The following EPHB1 variants were observed in gnomAD, a reference collection of about 807,000 sequenced individuals.
EPHB1 encodes EPH receptor B1.
EPHB1 carries 30 observed loss-of-function variants against 94.4 expected under a neutral mutation model. That is an observed-to-expected ratio of 0.32 (90% CI 0.24 to 0.43). The LOEUF (loss-of-function observed/expected upper bound fraction) is 0.43, where lower values mean the gene tolerates loss of function less well. Ranked by LOEUF, EPHB1 falls within the 20% of genes least tolerant of loss-of-function variation. The probability of loss-of-function intolerance (pLI) is 1.00; values close to 1 mark genes in which losing one functional copy is unlikely to be tolerated. For missense variants in EPHB1, 1,055 were observed against 1,308.3 expected, an observed-to-expected ratio of 0.81 and a Z score of 2.99; for synonymous variants, 522 against 489.1, an observed-to-expected ratio of 1.07 and a Z score of -0.89.
intron 1 of EPHB1, among the ~76,000 whole-genome samples, chr3:134,834,032 G>T (rs751413564): frequency 6.6e-6 from 1 of 152,152 alleles, no homozygotes; most frequent in African/African-American, 2.4e-5. Flanking sequence ...ACACTTGGGT[G>T]GTGGAGGGGA....
intron 12 of EPHB1, among the ~76,000 whole-genome samples, chr3:135,219,560 T>C (rs770305574): frequency 6.6e-6 from 1 of 152,098 alleles, no homozygotes; most frequent in Non-Finnish European, 1.5e-5. Flanking sequence ...AGAGAGAGAA[T>C]AGCCCTGCGA....
chr3:135,182,006 C>T (rs560673459), intron 10 of EPHB1, among the ~76,000 whole-genome samples: 35 of 152,294 alleles, frequency 2.3e-4, no homozygotes, highest in African/African-American at 8.4e-4. Flanking sequence ...TAGCAGAGAC[C>T]CATCTCCTTG....
At chr3:135,191,153 A>G (rs1045476231) in intron 10 of EPHB1, among the ~76,000 whole-genome samples, 1 of 151,972 alleles carries the variant, frequency 6.6e-6, no homozygotes. Flanking sequence ...AAAAGGGAGG[A>G]AGGATGGAAG....
rs371173570 is a variant in EPHB1 at position 135,127,164 on chromosome 3, A to T, written c.962-5550A>T. ...CTAGAGAATATGTTTTAACTTGGTT[A>T]CTGTGAACACTTAGGAGGATCATCG... On this transcript the variant is annotated intron_variant, in intron 4 of 15. Transcript: ENST00000398015. Among the ~76,000 whole-genome samples the T allele has an allele frequency of 2.1e-3, 314 of 152,348 alleles. 1 individual carries two copies. Among genetic ancestry groups the T allele is most frequent in the African/African-American group, 7.1e-3 (297 of 41,590 alleles).
At chr3:135,185,463 C>T (rs1038442971) in intron 10 of EPHB1, among the ~76,000 whole-genome samples, 41 of 152,166 alleles carry the variant, frequency 2.7e-4, no homozygotes, top group African/African-American at 9.2e-4. Context: ...GAACACTCAC[C>T]GTGTGTCTGA....
At chr3:134,934,049 C>G (rs1006223458) in intron 2 of EPHB1, among the ~76,000 whole-genome samples, 1 of 152,020 alleles carries the variant, frequency 6.6e-6, no homozygotes, top group African/African-American at 2.4e-5. Flanking sequence ...TAAGTCAGAG[C>G]TCCCCACCCT....
rs143735497 is a variant in EPHB1, at chr3:134,897,079, A to T, written c.59-28737A>T. Among the ~76,000 whole-genome samples the T allele has an allele frequency of 1.9e-3, 286 of 152,318 alleles. 1 individual carries two copies. The highest frequency in any genetic ancestry group is 6.7e-3 in the African/African-American group (280 of 41,566). ...AAGCAGAGGGCAGAGGTGATCCATG[A>T]TTCTCTGCCACAATCAGAGTTAAGT... On this transcript the variant is annotated intron_variant, in intron 1 of 15. Coordinates refer to ENST00000398015, the MANE Select transcript of EPHB1 (RefSeq NM_004441.5).
rs79878143 is a variant in EPHB1 at position 135,032,927 on chromosome 3, C to A, written c.806-73521C>A. On this transcript the variant is annotated intron_variant, in intron 3 of 15. Transcript: ENST00000398015. ...TCTCTTCAAAAATGTGTACAGACCT[C>A]TTGTATGCTGAGTATTCCTCCCAGT... 4.1e-3 allele frequency among the ~76,000 whole-genome samples: 619 copies of A among 152,260 alleles called. 8 individuals carry two copies. Among genetic ancestry groups the A allele is most frequent in the African/African-American group, 0.014 (564 of 41,570 alleles).
chr3:135,089,166 T>C (rs7372409), intron 3 of EPHB1, among the ~76,000 whole-genome samples: 152,092 of 152,286 alleles, frequency 1, 75,949 homozygotes, highest in Non-Finnish European at 1. Flanking sequence ...TTGTTTATTC[T>C]AGGTAAATTT....
intron 3 of EPHB1, among the ~76,000 whole-genome samples, chr3:135,047,032 A>C (rs922298825): frequency 2.0e-5 from 3 of 152,214 alleles, no homozygotes; most frequent in Admixed American, 1.3e-4. Flanking sequence ...AGAGGGACCC[A>C]GGAAGCTGAG....
chr3:134,953,171 C>T (rs950509358), intron 3 of EPHB1, among the ~76,000 whole-genome samples: 4 of 152,214 alleles, frequency 2.6e-5, no homozygotes, highest in Admixed American at 6.5e-5. Context: ...GCCTGAGCAC[C>T]AGACCAGCCT....
intron 3 of EPHB1, among the ~76,000 whole-genome samples, chr3:135,014,100 G>A (rs1935711688): frequency 6.6e-6 from 1 of 152,164 alleles, no homozygotes; most frequent in Admixed American, 6.5e-5. Flanking sequence ...AAAGGGCCCA[G>A]GTGGTCTTCC....
In EPHB1 at chr3:134,951,801, CT is replaced by C. The variant is rs1933041024; in HGVS notation, c.555del (p.Leu186PhefsTer25). On this transcript the variant is annotated frameshift_variant, in exon 3 of 16. Coordinates refer to ENST00000398015, the MANE Select transcript of EPHB1 (RefSeq NM_004441.5). LOFTEE classifies it high-confidence loss of function. This position sits in a 1 kb window ranked among gnomAD's most constrained non-coding sequence, Gnocchi z 4.5. ...LAFQDYGACM[S>X]LLSVRVFFKK... ...TTTCAGGATTATGGAGCCTGTATGT[CT>C]CTTCTTTCTGTCCGTGTCTTCTTCA... is the stretch of plus-strand genomic sequence containing the variant. The C allele has an allele frequency of 6.2e-7, 1 of 1,613,884 alleles. No homozygotes were observed. Among genetic ancestry groups the C allele is most frequent in the Admixed American group, 1.7e-5 (1 of 60,002 alleles).
chr3:135,022,829 T>A (rs552226903), intron 3 of EPHB1, among the ~76,000 whole-genome samples: 1 of 152,360 alleles, frequency 6.6e-6, no homozygotes, highest in South Asian at 2.1e-4. Flanking sequence ...CATTCTCAAA[T>A]TCTTCATTTG....
intron 3 of EPHB1, among the ~76,000 whole-genome samples, chr3:135,048,740 C>A (rs890477859): frequency 6.6e-6 from 1 of 152,226 alleles, no homozygotes; most frequent in African/African-American, 2.4e-5. Flanking sequence ...GGGTCTACCT[C>A]CATACTAGGG....
At chr3:134,934,699 G>T (rs1056816968) in intron 2 of EPHB1, among the ~76,000 whole-genome samples, 1 of 151,264 alleles carries the variant, frequency 6.6e-6, no homozygotes, top group African/African-American at 2.4e-5. Context: ...TATGGGTGGG[G>T]GAGGGGAGTG....
intron 13 of EPHB1, among the ~76,000 whole-genome samples, chr3:135,243,977 T>A (rs1249409889): frequency 2.0e-5 from 3 of 152,090 alleles, no homozygotes; most frequent in Non-Finnish European, 2.9e-5. Context: ...CTCTCCCCAG[T>A]GCAAGGTCGA....
At chr3:135,223,004 T>G (rs2107720928) in intron 12 of EPHB1, among the ~76,000 whole-genome samples, 1 of 152,324 alleles carries the variant, frequency 6.6e-6, no homozygotes, top group South Asian at 2.1e-4. Flanking sequence ...GTATATGAAA[T>G]TATAGCAGAA....
At chr3:135,229,685 A>G (rs1943487689) in intron 12 of EPHB1, among the ~76,000 whole-genome samples, 1 of 152,192 alleles carries the variant, frequency 6.6e-6, no homozygotes, top group African/African-American at 2.4e-5. Context: ...TTGGCTAAGC[A>G]GGGGCCAGTC....
Sources: allele counts gnomAD v4.1 joint callset (sites outside exome capture counted in the v4.1 genomes callset), GRCh38; gene constraint gnomAD v4.1.1; non-coding constraint Gnocchi (gnomAD v3.1); transcripts MANE v1.5; gene names NCBI Gene and HGNC (gene_info 2026-07-23, HGNC 2026-07-21).